Variants in SAMM50 observed in about 807,000 individuals in gnomAD.
SAMM50 encodes the protein SAMM50 sorting and assembly machinery component, also known as sorting and assembly machinery component 50 homolog.
Under a neutral mutation model 66.9 loss-of-function variants are expected in SAMM50, and 47 were observed. That is an observed-to-expected ratio of 0.70 (90% CI 0.56 to 0.90). SAMM50 has a LOEUF of 0.90. SAMM50 is among the 40% of genes least tolerant of loss of function. SAMM50 has a pLI of 0.00. For missense variants in SAMM50, 535 were observed against 595.3 expected, an observed-to-expected ratio of 0.90 and a Z score of 1.05; for synonymous variants, 191 against 214.1, an observed-to-expected ratio of 0.89 and a Z score of 0.94.
At chr22:43,969,455 TAGC>T (rs1192610683) in intron 4 of SAMM50, among the ~76,000 whole-genome samples, 2 of 151,964 alleles carry the variant, frequency 1.3e-5, no homozygotes, top group Non-Finnish European at 2.9e-5. Context: ...GCTTCGGTCA[TAGC>T]AGCACACAGG....
chr22:43,966,420 C>T (rs1223813701), intron 3 of SAMM50, among the ~76,000 whole-genome samples: 7 of 151,766 alleles, frequency 4.6e-5, no homozygotes, highest in East Asian at 3.9e-4. Flanking sequence ...TGCAATGGCG[C>T]GATCTTGGCT....
rs146521630 is a variant in SAMM50 at position 43,977,072 on chromosome 22, A to G, written c.849+251A>G. Among the ~76,000 whole-genome samples, 614 of 152,274 alleles carry G rather than the reference A, an allele frequency of 4.0e-3. 6 individuals are homozygous for G. The highest frequency in any genetic ancestry group is 0.014 in the African/African-American group (597 of 41,542). ...TGGGGGTAAGGCTGTGGCATCCTTGATGAGGGCCTGTAATAGGCCAGGAGG... is the reference window on the plus strand; with the variant it reads ...TGGGGGTAAGGCTGTGGCATCCTTGGTGAGGGCCTGTAATAGGCCAGGAGG... On this transcript the variant is annotated intron_variant, in intron 9 of 14. Transcript: ENST00000350028.
chr22:43,957,160 C>T (rs879224346), intron 1 of SAMM50: 2 of 758,916 alleles, frequency 2.6e-6, no homozygotes, highest in South Asian at 1.4e-5. Flanking sequence ...TATTTGGGCT[C>T]ATGTATACAA....
chr22:43,960,450 C>G (rs1048251988), intron 1 of SAMM50, among the ~76,000 whole-genome samples: 1 of 152,070 alleles, frequency 6.6e-6, no homozygotes, highest in Non-Finnish European at 1.5e-5. Context: ...AGAAACAGGT[C>G]AGGCGCAGTG....
At chr22:43,965,983 C>T (rs1204398008) in intron 3 of SAMM50, among the ~76,000 whole-genome samples, 1 of 152,024 alleles carries the variant, frequency 6.6e-6, no homozygotes, top group Non-Finnish European at 1.5e-5. Flanking sequence ...GGACTGCAGG[C>T]ACACATCACC....
chr22:43,956,881 G>T, intron 1 of SAMM50: 1 of 432,086 alleles, frequency 2.3e-6, no homozygotes. Flanking sequence ...TCTAATTTTA[G>T]AAATCCTATC....
intron 1 of SAMM50, among the ~76,000 whole-genome samples, chr22:43,960,265 A>T (rs151158119): frequency 3.8e-4 from 58 of 152,352 alleles, no homozygotes; most frequent in African/African-American, 1.3e-3. Flanking sequence ...TCTTTGCCTA[A>T]CATGATCTTC....
chr22:43,960,153 G>A (rs1030314463), intron 1 of SAMM50, among the ~76,000 whole-genome samples: 1 of 152,134 alleles, frequency 6.6e-6, no homozygotes, highest in Middle Eastern at 3.2e-3. Flanking sequence ...ATGAGTATGT[G>A]CACATAATCT....
chr22:43,980,089 C>T (rs1156604495), intron 10 of SAMM50, among the ~76,000 whole-genome samples: 1 of 149,656 alleles, frequency 6.7e-6, no homozygotes, highest in Admixed American at 6.7e-5. Context: ...TCCGTCCGTC[C>T]ATCCATCCAC....
chr22:43,996,214 AG>A, intron 14 of SAMM50, 123 bp from the exon 15 acceptor site: 1 of 1,039,944 alleles, frequency 9.6e-7, no homozygotes, highest in Non-Finnish European at 1.5e-6. Flanking sequence ...GCAGCCAGGC[AG>A]GAAGGCAGCA....
chr22:43,980,137 CATCCAT>C (rs2050256533), intron 10 of SAMM50, among the ~76,000 whole-genome samples: 1 of 8,456 alleles, frequency 1.2e-4, no homozygotes. Flanking sequence ...CCCACCCACA[CATCCAT>C]CCATCCATCC....
chr22:43,979,069 TCA>T (rs1162828669), intron 10 of SAMM50, among the ~76,000 whole-genome samples: 1 of 152,172 alleles, frequency 6.6e-6, no homozygotes, highest in East Asian at 1.9e-4. Flanking sequence ...TCGCCTGTTC[TCA>T]CTTTATCTCT....
rs5764453 is a variant in SAMM50 at position 43,996,435 on chromosome 22, A to C, written c.*52A>C. The C allele has an allele frequency of 2.9e-4, 438 of 1,530,386 alleles. 4 individuals are homozygous for C. In the East Asian group the frequency reaches 5.6e-3, roughly 20 times the overall value. 94.8% of individuals were successfully genotyped at this position (1,530,386 alleles called of 1,614,324 possible). A position where few individuals can be genotyped will look rare whatever the true frequency, so the allele number is the denominator to read the frequency against. On this transcript the variant is annotated 3_prime_UTR_variant, in exon 15 of 15. Coordinates refer to ENST00000350028, the MANE Select transcript of SAMM50 (RefSeq NM_015380.5). ...GGACTGGGGCAGCAGCAAGGCGCCC[A>C]TGCCACACACCGTCTCTCGAGGAAA...
intron 7 of SAMM50, among the ~76,000 whole-genome samples, chr22:43,974,088 T>G (rs1431077051): frequency 6.6e-6 from 1 of 152,116 alleles, no homozygotes; most frequent in Non-Finnish European, 1.5e-5. Flanking sequence ...CTTTAGTTCT[T>G]GCGGAGAGCC....
At chr22:43,974,873 A>G (rs534448708) in intron 7 of SAMM50, 1 of 152,314 alleles carries the variant, frequency 6.6e-6, no homozygotes, top group East Asian at 1.9e-4. Flanking sequence ...GAGAGTAGAA[A>G]TACCTTATTT....
chr22:43,976,348 G>GC (rs1439389318), intron 8 of SAMM50, among the ~76,000 whole-genome samples, 165 bp downstream of exon 8: 1 of 152,210 alleles, frequency 6.6e-6, no homozygotes, highest in Non-Finnish European at 1.5e-5. Flanking sequence ...GTCCTGCCTC[G>GC]CGTGGTCCTT....
chr22:43,980,159 TC>T (rs1287736536), intron 10 of SAMM50, among the ~76,000 whole-genome samples: 1 of 14,076 alleles, frequency 7.1e-5, no homozygotes, highest in Non-Finnish European at 1.3e-4. Context: ...CATCCATCCA[TC>T]CATTCACCCA....
chr22:43,994,831 CTG>C (rs1157360766), intron 14 of SAMM50, among the ~76,000 whole-genome samples: 42 of 152,292 alleles, frequency 2.8e-4, no homozygotes, highest in Non-Finnish European at 1.5e-5. Context: ...TATGTGGTCT[CTG>C]AGCATAAACC....
At chr22:43,959,936 G>A (rs2050139778) in intron 1 of SAMM50, among the ~76,000 whole-genome samples, 1 of 152,164 alleles carries the variant, frequency 6.6e-6, no homozygotes, top group Non-Finnish European at 1.5e-5. Context: ...GTATGAATAG[G>A]TATAAGAGGT....
Sources: gnomAD v4.1 joint callset for allele counts (sites outside exome capture counted in the v4.1 genomes callset) on GRCh38, gnomAD v4.1.1 for gene constraint, MANE v1.5 for transcripts, NCBI Gene and HGNC (gene_info 2026-07-23, HGNC 2026-07-21) for gene names.